Variants in PHF21A observed in about 807,000 individuals in gnomAD.
PHF21A encodes the protein PHD finger protein 21A.
A neutral mutation model predicts 82.5 loss-of-function variants in PHF21A; 11 were observed. The observed-to-expected ratio is 0.13, with a 90% CI of 0.08 to 0.22. The LOEUF (loss-of-function observed/expected upper bound fraction) is 0.22, where lower values mean the gene tolerates loss of function less well. Ranked by LOEUF, PHF21A falls within the 10% of genes least tolerant of loss-of-function variation. PHF21A has a pLI of 1.00. For missense variants in PHF21A, 579 were observed against 837.8 expected, an observed-to-expected ratio of 0.69 and a Z score of 3.81; for synonymous variants, 297 against 302.8, an observed-to-expected ratio of 0.98 and a Z score of 0.20.
At chr11:45,988,211 G>C (rs2094560690) in intron 6 of PHF21A, among the ~76,000 whole-genome samples, 1 of 152,164 alleles carries the variant, frequency 6.6e-6, no homozygotes, top group Admixed American at 6.5e-5. Flanking sequence ...GATGCTAGAA[G>C]AGGTAAATAT....
chr11:45,937,275 CA>C (rs2089298041), intron 16 of PHF21A, among the ~76,000 whole-genome samples: 1 of 152,134 alleles, frequency 6.6e-6, no homozygotes. Flanking sequence ...AGACTTGAGA[CA>C]GCTTATAATA....
intron 6 of PHF21A, among the ~76,000 whole-genome samples, chr11:46,000,911 C>A (rs760510631): frequency 3.3e-5 from 5 of 151,590 alleles, no homozygotes; most frequent in African/African-American, 9.7e-5. Context: ...CAAAAGTGAA[C>A]CTCCGTCTCA....
At chr11:45,999,099 T>C (rs148536705) in intron 6 of PHF21A, among the ~76,000 whole-genome samples, 1,550 of 152,324 alleles carry the variant, frequency 0.01, 24 homozygotes, top group African/African-American at 0.033. Flanking sequence ...AGTGCTGGGA[T>C]TACAGGCGTG....
intron 1 of PHF21A, among the ~76,000 whole-genome samples, chr11:46,111,983 T>C (rs1350916969): frequency 6.6e-6 from 1 of 152,222 alleles, no homozygotes; most frequent in Non-Finnish European, 1.5e-5. Flanking sequence ...TTATTTTCCT[T>C]AATCAACTAG....
intron 15 of PHF21A, among the ~76,000 whole-genome samples, chr11:45,944,944 G>C (rs1012570278): frequency 1.3e-5 from 2 of 152,120 alleles, no homozygotes; most frequent in African/African-American, 2.4e-5. Flanking sequence ...TTGTGTTTTT[G>C]TAGAGACCAG....
At chr11:45,938,083 G>A (rs375262339) in intron 16 of PHF21A, 74 bp downstream of exon 16, 6 of 1,305,686 alleles carry the variant, frequency 4.6e-6, no homozygotes, top group Admixed American at 2.4e-5. Context: ...CCATTTCCCC[G>A]GGAAAGGAAT....
intron 3 of PHF21A, among the ~76,000 whole-genome samples, chr11:46,087,968 G>T (rs923530): frequency 0.53 from 81,200 of 151,782 alleles, 22,959 homozygotes; most frequent in Non-Finnish European, 0.63. Context: ...TGTTGCCTAG[G>T]CTGGTCTTGA....
chr11:46,093,306 C>A (rs1293158213), intron 1 of PHF21A, among the ~76,000 whole-genome samples: 5 of 152,160 alleles, frequency 3.3e-5, no homozygotes, highest in African/African-American at 1.2e-4. Context: ...TGATATTACT[C>A]CAATAGTGTC....
chr11:46,107,024 G>A lies in PHF21A; in HGVS notation c.-237+13911C>T, dbSNP rs567312812. On this transcript the variant is annotated intron_variant, in intron 1 of 18. Coordinates refer to ENST00000676320, the MANE Select transcript of PHF21A (RefSeq NM_001352027.3). ...CTGTCCTCCAGCTGTCCCCACGGCT[G>A]CCTCTTCTGCAGGAAGAATGGCCTA... Among the ~76,000 whole-genome samples, 3 of 152,320 alleles carry A rather than the reference G, an allele frequency of 2.0e-5. No homozygotes were observed. In the South Asian group the frequency reaches 6.2e-4, roughly 32 times the overall value.
chr11:46,011,820 T>C (rs2095419560), intron 6 of PHF21A, among the ~76,000 whole-genome samples: 1 of 152,236 alleles, frequency 6.6e-6, no homozygotes, highest in Non-Finnish European at 1.5e-5. Flanking sequence ...AAAATCACTC[T>C]TAACTCTTAC....
intron 6 of PHF21A, among the ~76,000 whole-genome samples, chr11:45,981,948 T>C (rs1164072010): frequency 2.9e-5 from 4 of 137,240 alleles, no homozygotes; most frequent in East Asian, 2.1e-4. Flanking sequence ...TTCTTTTTTT[T>C]TTTTTTTTTT....
At chr11:46,082,294 G>T (rs1420482720) in intron 4 of PHF21A, among the ~76,000 whole-genome samples, 1 of 152,188 alleles carries the variant, frequency 6.6e-6, no homozygotes, top group Non-Finnish European at 1.5e-5. Context: ...ACAAAGCGTG[G>T]CTTTTGTCCC....
chr11:46,056,529 C>T (rs564721398), intron 6 of PHF21A, among the ~76,000 whole-genome samples: 7 of 152,142 alleles, frequency 4.6e-5, no homozygotes, highest in Admixed American at 2.6e-4. Flanking sequence ...TCCTTGTAAA[C>T]GTCTTTCTAA....
chr11:45,962,895 A>G (rs1006061183), intron 10 of PHF21A, among the ~76,000 whole-genome samples: 1 of 151,786 alleles, frequency 6.6e-6, no homozygotes. Flanking sequence ...TCTGTCTCAA[A>G]AAAGAGAAGA....
chr11:45,958,061 G>T (rs533813683), intron 10 of PHF21A, among the ~76,000 whole-genome samples: 1 of 151,986 alleles, frequency 6.6e-6, no homozygotes, highest in Non-Finnish European at 1.5e-5. Context: ...TACCAAAATT[G>T]ACTCAAGATA....
intron 6 of PHF21A, among the ~76,000 whole-genome samples, chr11:46,069,841 CG>C (rs961279735): frequency 8.5e-5 from 13 of 152,128 alleles, no homozygotes; most frequent in African/African-American, 3.1e-4. Context: ...GTACTTTACA[CG>C]TAAGATGAAA....
chr11:46,002,956 G>A (rs1565488096), intron 6 of PHF21A, among the ~76,000 whole-genome samples: 1 of 152,034 alleles, frequency 6.6e-6, no homozygotes, highest in Admixed American at 6.6e-5. Context: ...CAAATAAAAT[G>A]AATTAATTGG....
intron 10 of PHF21A, among the ~76,000 whole-genome samples, chr11:45,964,180 A>C (rs2135897201): frequency 8.7e-6 from 1 of 114,796 alleles, no homozygotes; most frequent in Non-Finnish European, 2.0e-5. Context: ...CCTGGGCAAC[A>C]AGAGTGAAAC....
intron 6 of PHF21A, among the ~76,000 whole-genome samples, chr11:46,029,354 T>C (rs1165699692): frequency 6.6e-6 from 1 of 152,224 alleles, no homozygotes; most frequent in Non-Finnish European, 1.5e-5. Flanking sequence ...GAAAACAGAC[T>C]TGTTTTTATT....
Sources: allele counts gnomAD v4.1 joint callset (sites outside exome capture counted in the v4.1 genomes callset), GRCh38; gene constraint gnomAD v4.1.1; transcripts MANE v1.5; gene names NCBI Gene and HGNC (gene_info 2026-07-23, HGNC 2026-07-21).